The following ADGRG7 variants were observed in gnomAD, a reference collection of about 807,000 sequenced individuals.
The protein encoded by ADGRG7 is adhesion G protein-coupled receptor G7, also known as G-protein coupled receptor 128.
Under a neutral mutation model 88.6 loss-of-function variants are expected in ADGRG7, and 82 were observed. The ratio of observed to expected loss-of-function variants is 0.93; its 90% CI spans 0.77 to 1.11. The LOEUF (loss-of-function observed/expected upper bound fraction) is 1.11. Ranked by LOEUF, ADGRG7 falls within the 50% of genes most tolerant of loss-of-function variation. ADGRG7 has a pLI of 0.00. For synonymous variants in ADGRG7, 381 were observed against 345.2 expected (o/e 1.10, Z -1.15); for missense variants, 945 against 953.4 (o/e 0.99, Z 0.12).
chr3:100,665,593 G>A (rs1391738912), intron 14 of ADGRG7: 8 of 355,850 alleles, frequency 2.2e-5, no homozygotes, highest in East Asian at 7.3e-5. Context: ...CTATATGAAC[G>A]GTAGTTCATA....
chr3:100,623,015 G>A (rs1039130120), intron 1 of ADGRG7, among the ~76,000 whole-genome samples: 4 of 151,354 alleles, frequency 2.6e-5, no homozygotes, highest in South Asian at 2.1e-4. Flanking sequence ...CCATCATCTC[G>A]GTCTCCCAAA....
intron 15 of ADGRG7, among the ~76,000 whole-genome samples, chr3:100,689,272 T>C (rs1053485778): frequency 6.6e-6 from 1 of 152,248 alleles, no homozygotes; most frequent in African/African-American, 2.4e-5. Flanking sequence ...TATGTGTGTC[T>C]CTGCACGTGA....
chr3:100,664,996 G>C, intron 14 of ADGRG7: 1 of 404,486 alleles, frequency 2.5e-6, no homozygotes, highest in South Asian at 2.0e-5. Flanking sequence ...ATTTATGTCT[G>C]GTTCCAGTAT....
intron 1 of ADGRG7, among the ~76,000 whole-genome samples, chr3:100,611,685 T>C (rs1707156993): frequency 6.6e-6 from 1 of 152,200 alleles, no homozygotes; most frequent in Admixed American, 6.5e-5. Flanking sequence ...AATTGGCTGT[T>C]TATATAAGGG....
intron 14 of ADGRG7, among the ~76,000 whole-genome samples, chr3:100,660,185 G>T (rs1381601274): frequency 6.6e-6 from 1 of 152,140 alleles, no homozygotes; most frequent in Non-Finnish European, 1.5e-5. Context: ...AAATGAGAAG[G>T]TTGTGGGAAA....
At chr3:100,693,554 G>A (rs183118228) in intron 15 of ADGRG7, among the ~76,000 whole-genome samples, 11 of 152,238 alleles carry the variant, frequency 7.2e-5, no homozygotes, top group Admixed American at 2.0e-4. Context: ...AGTACCAGAA[G>A]TCTCCAATAA....
chr3:100,642,898 A>C (rs1283527224), intron 6 of ADGRG7, among the ~76,000 whole-genome samples: 1 of 152,222 alleles, frequency 6.6e-6, no homozygotes, highest in Non-Finnish European at 1.5e-5. Flanking sequence ...ATGGATTCTC[A>C]CCACTGGAGA....
At chr3:100,634,344 C>G (rs1437651706) in intron 4 of ADGRG7, among the ~76,000 whole-genome samples, 1 of 152,086 alleles carries the variant, frequency 6.6e-6, no homozygotes, top group Non-Finnish European at 1.5e-5. Flanking sequence ...ATAATTATAG[C>G]CAATAACACT....
chr3:100,655,055 C>A lies in ADGRG7; in HGVS notation c.1600C>A (p.His534Asn), dbSNP rs1185942948. The A allele has an allele frequency of 6.2e-7, 1 of 1,614,132 alleles. No individual in the cohort carries two copies. The highest frequency in any genetic ancestry group is 2.2e-5 in the East Asian group (1 of 44,882). Residue 534 changes from histidine to asparagine, a missense_variant, in exon 12 of 16, where the codon CAC (histidine) becomes AAC (asparagine). By Grantham distance (68) the His-to-Asn change is moderately conservative. Transcript: ENST00000273352. ...PMCTAIAALLHYFLLVTFTWN... is the reference protein window; with the variant it reads ...PMCTAIAALLNYFLLVTFTWN... ...GTGCACTGCGATTGCCGCCTTACTG[C>A]ACTATTTTCTGTTAGTGACATTTAC...
At chr3:100,682,563 A>G (rs2094974949) in intron 15 of ADGRG7, among the ~76,000 whole-genome samples, 1 of 152,212 alleles carries the variant, frequency 6.6e-6, no homozygotes, top group South Asian at 2.1e-4. Flanking sequence ...GGCCAGGCCC[A>G]GGGCCCACGA....
Position 100,638,858 on chromosome 3 carries a change from T to C in ADGRG7, c.698+1456T>C, listed in dbSNP as rs1298393438. Among the ~76,000 whole-genome samples, 132 of 152,232 alleles carry C rather than the reference T, an allele frequency of 8.7e-4. 2 individuals are homozygous for C. The highest frequency in any genetic ancestry group is 4.4e-5 in the Non-Finnish European group (3 of 68,046). On this transcript the variant is annotated intron_variant, in intron 6 of 15. Coordinates refer to ENST00000273352, the MANE Select transcript of ADGRG7 (RefSeq NM_032787.3). ...GTTGGTATTCACTGTATTTTTACCT[T>C]ATGCACACTTGTCAAAACCCTTTTA... is the stretch of plus-strand genomic sequence containing the variant.
In ADGRG7 at chr3:100,671,066, A is replaced by C. The variant is rs1179300113; in HGVS notation, c.2136+1961A>C. On this transcript the variant is annotated intron_variant, in intron 15 of 15. Transcript: ENST00000273352. ...ATTTATAATCCTTTGGGTATATACC[A>C]AGTAATGGGATGTCTGCATCAAATG... Among the ~76,000 whole-genome samples, 11 of 152,308 alleles carry C rather than the reference A, an allele frequency of 7.2e-5. No homozygotes were observed. In the East Asian group the frequency reaches 1.9e-3, roughly 27 times the overall value.
intron 15 of ADGRG7, among the ~76,000 whole-genome samples, chr3:100,670,987 T>C (rs878906520): frequency 1.3e-5 from 2 of 152,224 alleles, no homozygotes; most frequent in Admixed American, 6.5e-5. Context: ...GTCTTTGCTA[T>C]TGTGAATAGT....
intron 6 of ADGRG7, among the ~76,000 whole-genome samples, chr3:100,642,163 C>T (rs1024924775): frequency 5.9e-5 from 9 of 152,218 alleles, no homozygotes; most frequent in African/African-American, 2.2e-4. Flanking sequence ...GAGGGAGCAG[C>T]TCCTGGAACT....
chr3:100,654,812 T>A (rs2094935245), intron 11 of ADGRG7, 23 bp from the exon 12 acceptor site: 2 of 1,389,408 alleles, frequency 1.4e-6, no homozygotes, highest in Non-Finnish European at 2.0e-6. Context: ...TTAATTTTTT[T>A]ATATTAATTT....
intron 15 of ADGRG7, among the ~76,000 whole-genome samples, chr3:100,675,834 G>T (rs949916028): frequency 6.6e-6 from 1 of 152,016 alleles, no homozygotes; most frequent in Non-Finnish European, 1.5e-5. Flanking sequence ...TTCAATCTTG[G>T]TAGGTTGTTT....
chr3:100,686,329 T>C (rs1043270123), intron 15 of ADGRG7, among the ~76,000 whole-genome samples: 2 of 152,238 alleles, frequency 1.3e-5, no homozygotes, highest in African/African-American at 4.8e-5. Flanking sequence ...GTAGGTTGCC[T>C]GTTCACTCTG....
At chr3:100,626,742 G>A (rs1301100118) in intron 1 of ADGRG7, among the ~76,000 whole-genome samples, 1 of 152,122 alleles carries the variant, frequency 6.6e-6, no homozygotes, top group East Asian at 1.9e-4. Flanking sequence ...CCGAGATTGT[G>A]CCACTGCACT....
chr3:100,629,708 A>T lies in ADGRG7; in HGVS notation c.226A>T (p.Ile76Phe). The T allele has an allele frequency of 6.3e-7, 1 of 1,592,320 alleles. No homozygotes were observed. Among genetic ancestry groups the T allele is most frequent in the South Asian group, 1.1e-5 (1 of 90,552 alleles). ...TEEWKGLRCT[I>F]ANFCENSTYM... ...AGAGTGGAAAGGACTGAGATGTACA[A>T]TTGGTAAATTACTTGGGATAATGCT... Residue 76 changes from isoleucine to phenylalanine, a missense_variant, in exon 2 of 16, where the codon ATT becomes TTT. Coordinates refer to ENST00000273352, the MANE Select transcript of ADGRG7 (RefSeq NM_032787.3).
Sources: allele counts gnomAD v4.1 joint callset (sites outside exome capture counted in the v4.1 genomes callset), GRCh38; gene constraint gnomAD v4.1.1; transcripts MANE v1.5; gene names NCBI Gene and HGNC (gene_info 2026-07-23, HGNC 2026-07-21).